The following SETX variants were observed in gnomAD, a reference collection of about 807,000 sequenced individuals.
SETX encodes the protein senataxin.
In SETX, 90 loss-of-function variants were observed where a neutral mutation model predicts 227.2. The ratio of observed to expected loss-of-function variants is 0.40; its 90% CI spans 0.33 to 0.47. The LOEUF (loss-of-function observed/expected upper bound fraction) is 0.47. Among genes scored for constraint, SETX ranks in the 20% least tolerant of loss-of-function variants. The pLI is 0.91. For missense variants in SETX, 3,052 were observed against 3,181.5 expected (o/e 0.96, Z 0.98); for synonymous variants, 1,210 against 1,113.2 (o/e 1.09, Z -1.73).
Position 132,329,649 on chromosome 9 carries a change from A to C in SETX, c.1949T>G (p.Met650Arg). 6.2e-7 allele frequency: 1 copy of C among 1,613,628 alleles called. No individual in the cohort carries two copies. Residue 650 changes from methionine to arginine, a missense_variant, in exon 10 of 26, where the codon ATG (methionine) becomes AGG (arginine). Met to Arg is a moderately conservative substitution (Grantham distance 91). This residue lies in a region of SETX where 1,483 missense variants were observed against 1,312.0 expected (regional missense o/e 1.13). Transcript: ENST00000224140. ...GATCAATACACTGTCTTGCACTTTCATTGGTTCTTTAGAAAATGTTGGGCT... is the reference window on the plus strand; with the variant it reads ...GATCAATACACTGTCTTGCACTTTCCTTGGTTCTTTAGAAAATGTTGGGCT... ...ASSPTFSKEP[M>R]KVQDSVLIKA...
chr9:132,353,925 T>G (rs1848738525), intron 1 of SETX, among the ~76,000 whole-genome samples, 170 bp from the exon 2 acceptor site: 1 of 152,200 alleles, frequency 6.6e-6, no homozygotes, highest in African/African-American at 2.4e-5. Context: ...ACTGCAATTC[T>G]GACTCCCAGT....
intron 7 of SETX, among the ~76,000 whole-genome samples, chr9:132,332,229 T>C (rs1190552587): frequency 1.3e-5 from 2 of 152,236 alleles, no homozygotes; most frequent in African/African-American, 4.8e-5. Flanking sequence ...CCTATAATCA[T>C]ACACTATCTA....
At chr9:132,287,410 T>C (rs1843971949) in intron 17 of SETX, among the ~76,000 whole-genome samples, 1 of 152,174 alleles carries the variant, frequency 6.6e-6, no homozygotes, top group African/African-American at 2.4e-5. Context: ...ACAGCTCACT[T>C]GAGTCCAAGA....
At chr9:132,293,694 A>G (rs1355428700) in intron 15 of SETX, among the ~76,000 whole-genome samples, 2 of 151,920 alleles carry the variant, frequency 1.3e-5, no homozygotes, top group Admixed American at 1.3e-4. Context: ...TGCTGGGATT[A>G]TAAGCGTGCG....
chr9:132,331,462 G>A lies in SETX; in HGVS notation c.839-14C>T, dbSNP rs766211030. On this transcript the variant is annotated splice_polypyrimidine_tract_variant and intron_variant, in intron 7 of 25. Transcript: ENST00000224140. ...CCACACTATCATCTGAAATACAATGGCACAATCGTTGAATTACTAAACAGT... is the reference window on the plus strand; with the variant it reads ...CCACACTATCATCTGAAATACAATGACACAATCGTTGAATTACTAAACAGT... 8 of 1,612,496 alleles carry A rather than the reference G, an allele frequency of 5.0e-6. No homozygotes were observed. In the Admixed American group the frequency reaches 1.2e-4, roughly 24 times the overall value.
chr9:132,321,958 T>C (rs1426718048), intron 10 of SETX, among the ~76,000 whole-genome samples: 1 of 152,204 alleles, frequency 6.6e-6, no homozygotes, highest in Non-Finnish European at 1.5e-5. Flanking sequence ...ACTCAGAGCT[T>C]CTGGTGTTTT....
intron 12 of SETX, among the ~76,000 whole-genome samples, chr9:132,298,972 T>G (rs1270491991): frequency 6.6e-6 from 1 of 152,028 alleles, no homozygotes; most frequent in Non-Finnish European, 1.5e-5. Context: ...GAACAAAGAA[T>G]AACTACAATG....
At position 132,301,752 on chromosome 9, in the gene SETX, TC is replaced by T. The variant is rs1440874558; in HGVS notation, c.5375-950del. On this transcript the variant is annotated intron_variant, in intron 11 of 25. Coordinates refer to ENST00000224140, the MANE Select transcript of SETX (RefSeq NM_015046.7). ...CGCCTGACACATTTCTGAGAATGTA[TC>T]CCCATCATTAAGTGACATGTGATTG... is the stretch of plus-strand genomic sequence containing the variant. 7.2e-5 allele frequency among the ~76,000 whole-genome samples: 11 copies of T among 152,306 alleles called. No individual in the cohort carries two copies. The East Asian group carries it at 1.9e-3, about 27-fold the overall frequency.
chr9:132,278,745 AC>A (rs1383882050), intron 20 of SETX, among the ~76,000 whole-genome samples: 1 of 152,180 alleles, frequency 6.6e-6, no homozygotes, highest in African/African-American at 2.4e-5. Flanking sequence ...ACCCAAAAAA[AC>A]CAGTAATAAA....
At position 132,263,002 on chromosome 9, in the gene SETX, G is replaced by C. The variant is rs545268141; in HGVS notation, c.*1237C>G. On this transcript the variant is annotated 3_prime_UTR_variant, in exon 26 of 26. Transcript: ENST00000224140. ...CCCCTCCCTTGTCCCGAGCTTCCTCGATCTCCATTCACCATGACCAATTTT... is the reference window on the plus strand; with the variant it reads ...CCCCTCCCTTGTCCCGAGCTTCCTCCATCTCCATTCACCATGACCAATTTT... 2 of 152,060 alleles carry C rather than the reference G, an allele frequency of 1.3e-5. No homozygotes were observed. The highest frequency in any genetic ancestry group is 4.8e-5 in the African/African-American group (2 of 41,370). 9.4% of individuals were successfully genotyped at this position (152,060 alleles called of 1,614,324 possible). A position where few individuals can be genotyped will look rare whatever the true frequency, so the allele number is the denominator to read the frequency against.
intron 2 of SETX, among the ~76,000 whole-genome samples, chr9:132,351,934 C>A (rs1023313304): frequency 1.3e-5 from 2 of 152,188 alleles, no homozygotes; most frequent in African/African-American, 4.8e-5. Flanking sequence ...GCTAATGTGT[C>A]AAAACCAAAA....
chr9:132,330,216 A>G lies in SETX; in HGVS notation c.1382T>C (p.Ile461Thr), dbSNP rs1847134634. 6.4e-7 allele frequency: 1 copy of G among 1,569,188 alleles called. No individual in the cohort carries two copies. Residue 461 changes from isoleucine to threonine, a missense_variant, in exon 10 of 26, where the codon ATT (isoleucine) becomes ACT (threonine). Physicochemically the swap from Ile to Thr is moderately conservative, Grantham distance 89 (BLOSUM62 -1). Coordinates refer to ENST00000224140, the MANE Select transcript of SETX (RefSeq NM_015046.7). ...ATGCAGTTCAATCACTGATACCAAA[A>G]TTAGAAGAAAAAATTCAGTGACTTT... The part of the protein sequence containing the change: ...CDKVTEFFLL[I>T]LVSVIELHRN...
rs761180215 is a variant in SETX, at chr9:132,336,356, T to G, written c.658A>C (p.Lys220Gln). Residue 220 changes from lysine to glutamine, a missense_variant, in exon 6 of 26, where the codon AAA becomes CAA. Coordinates refer to ENST00000224140, the MANE Select transcript of SETX (RefSeq NM_015046.7). Reference protein sequence around the residue: ...IYTSSVLEKGKLILLPSHMYD... With the variant: ...IYTSSVLEKGQLILLPSHMYD... Reference sequence around the variant, plus strand: ...ATGTGTGAGGGCAGAAGAATCAGTTTACCCTTCTCTAGGACAGAAGAAGTA... The same window carrying G: ...ATGTGTGAGGGCAGAAGAATCAGTTGACCCTTCTCTAGGACAGAAGAAGTA... 3.4e-5 allele frequency: 55 copies of G among 1,614,016 alleles called. No homozygotes were observed. The highest frequency in any genetic ancestry group is 4.7e-5 in the Non-Finnish European group (55 of 1,179,994).
chr9:132,282,453 C>A (rs1843597919), intron 19 of SETX, among the ~76,000 whole-genome samples: 1 of 151,824 alleles, frequency 6.6e-6, no homozygotes, highest in Non-Finnish European at 1.5e-5. Context: ...CAACTCCTGG[C>A]TCATTTTTGT....
chr9:132,312,228 G>A (rs1273657988), intron 10 of SETX, among the ~76,000 whole-genome samples: 1 of 152,126 alleles, frequency 6.6e-6, no homozygotes, highest in Non-Finnish European at 1.5e-5. Flanking sequence ...TTCCCAACCA[G>A]ATCAGCTAGC....
intron 11 of SETX, among the ~76,000 whole-genome samples, chr9:132,303,533 A>G (rs1228590645): frequency 1.3e-5 from 2 of 151,866 alleles, no homozygotes; most frequent in Non-Finnish European, 2.9e-5. Flanking sequence ...ATCAAAATCA[A>G]AACTTTTGCT....
intron 15 of SETX, among the ~76,000 whole-genome samples, chr9:132,291,875 G>T (rs1342127453): frequency 6.6e-6 from 1 of 152,108 alleles, no homozygotes; most frequent in South Asian, 2.1e-4. Flanking sequence ...ATGCCCACAA[G>T]AAAGTAGAGG....
chr9:132,279,231 G>A (rs1843356751), intron 20 of SETX, among the ~76,000 whole-genome samples: 1 of 152,112 alleles, frequency 6.6e-6, no homozygotes, highest in African/African-American at 2.4e-5. Context: ...TTGTGCCTTG[G>A]GATCTACTTT....
At position 132,283,066 on chromosome 9, in the gene SETX, A is replaced by G. The variant is rs1843633051; in HGVS notation, c.6546+198T>C. 4 of 657,184 alleles carry G rather than the reference A, an allele frequency of 6.1e-6. No homozygotes were observed. In the South Asian group the frequency reaches 7.5e-5, roughly 12 times the overall value. 40.7% of individuals were successfully genotyped at this position (657,184 alleles called of 1,614,324 possible). A position where few individuals can be genotyped will look rare whatever the true frequency, so the allele number is the denominator to read the frequency against. Reference sequence around the variant, plus strand: ...TCAGTCATCCTCAAGACTAACCCCCAATACTGGAAAATCCACTTTCACTAT... The same window carrying G: ...TCAGTCATCCTCAAGACTAACCCCCGATACTGGAAAATCCACTTTCACTAT... On this transcript the variant is annotated intron_variant, in intron 19 of 25. Transcript: ENST00000224140.
Sources: allele counts gnomAD v4.1 joint callset (sites outside exome capture counted in the v4.1 genomes callset), GRCh38; gene constraint gnomAD v4.1.1; regional missense constraint gnomAD v4.1.1; transcripts MANE v1.5; gene names NCBI Gene and HGNC (gene_info 2026-07-23, HGNC 2026-07-21).